TSHZ2: variants seen among roughly 807,000 people sequenced by gnomAD.
TSHZ2 encodes the protein teashirt zinc finger homeobox 2, also known as teashirt homolog 2.
TSHZ2 carries 21 observed loss-of-function variants against 74.4 expected under a neutral mutation model. The ratio of observed to expected loss-of-function variants is 0.28; its 90% CI spans 0.20 to 0.41. TSHZ2 has a LOEUF of 0.41. TSHZ2 is among the 10% of genes least tolerant of loss of function. The probability of loss-of-function intolerance (pLI) is 1.00; values close to 1 mark genes in which losing one functional copy is unlikely to be tolerated. For synonymous variants in TSHZ2, 540 were observed against 515.3 expected (o/e 1.05, Z -0.65); for missense variants, 1,244 against 1,293.5 (o/e 0.96, Z 0.59).
chr20:53,054,902 A>G (rs1430605570), intron 1 of TSHZ2, among the ~76,000 whole-genome samples: 2 of 152,138 alleles, frequency 1.3e-5, no homozygotes, highest in Non-Finnish European at 2.9e-5. Flanking sequence ...TGCTCATTTA[A>G]AGGAGGTGTT....
chr20:53,293,180 G>A (rs1991312599), intron 2 of TSHZ2, among the ~76,000 whole-genome samples: 2 of 152,142 alleles, frequency 1.3e-5, no homozygotes, highest in South Asian at 4.1e-4. Flanking sequence ...ATTAATACAT[G>A]AGCCAAGTGC....
chr20:53,374,302 T>C (rs1981583244), intron 2 of TSHZ2, among the ~76,000 whole-genome samples: 1 of 152,014 alleles, frequency 6.6e-6, no homozygotes, highest in Admixed American at 6.5e-5. Context: ...CCATCCATAT[T>C]GCTGCAAAAG....
At chr20:53,118,399 G>A (rs1986725433) in intron 1 of TSHZ2, among the ~76,000 whole-genome samples, 1 of 152,196 alleles carries the variant, frequency 6.6e-6, no homozygotes, top group African/African-American at 2.4e-5. Context: ...GTGATTTATA[G>A]AGGGAGAGGT....
chr20:53,375,515 C>T (rs1981628903), intron 2 of TSHZ2, among the ~76,000 whole-genome samples: 1 of 152,174 alleles, frequency 6.6e-6, no homozygotes, highest in Non-Finnish European at 1.5e-5. Flanking sequence ...ATAAATCTTT[C>T]CATAACCTCC....
chr20:53,291,859 C>A (rs554456302), intron 2 of TSHZ2, among the ~76,000 whole-genome samples: 6 of 152,196 alleles, frequency 3.9e-5, no homozygotes, highest in Admixed American at 3.3e-4. Flanking sequence ...CAAGGCAAAC[C>A]TTAATTTCTG....
rs775684942 is a variant in TSHZ2, at chr20:53,255,365, A to C, written c.1907A>C (p.Lys636Thr). The C allele has an allele frequency of 5.6e-6, 9 of 1,614,002 alleles. No homozygotes were observed. The highest frequency in any genetic ancestry group is 6.8e-6 in the Non-Finnish European group (8 of 1,180,024). ...CACAGTGAGGGCGATTCTTTCCGCA[A>C]AAGTGAAACACCTCCAGAAGCCAAA... is the stretch of plus-strand genomic sequence containing the variant. ...FSHSEGDSFRKSETPPEAKKT... is the reference protein window; with the variant it reads ...FSHSEGDSFRTSETPPEAKKT... Residue 636 changes from lysine to threonine, a missense_variant, in exon 2 of 3, where the codon AAA becomes ACA. Around this residue, in one of 6 missense-constraint regions of TSHZ2, gnomAD observed 562 missense variants for 544.0 expected, o/e 1.03. Transcript: ENST00000371497. The surrounding 1 kb of genome is among the most constrained non-coding windows in gnomAD (Gnocchi z 4.1).
chr20:53,441,812 C>T (rs934426586), intron 2 of TSHZ2, among the ~76,000 whole-genome samples: 1 of 151,646 alleles, frequency 6.6e-6, no homozygotes. Flanking sequence ...GAACTCCTGA[C>T]CTCAAATGAT....
chr20:52,980,632 A>C (rs922750518), intron 1 of TSHZ2, among the ~76,000 whole-genome samples: 2 of 152,214 alleles, frequency 1.3e-5, no homozygotes, highest in Non-Finnish European at 2.9e-5. Flanking sequence ...ATTGCTTTTA[A>C]TGAAAATAGT....
intron 2 of TSHZ2, among the ~76,000 whole-genome samples, chr20:53,391,588 T>G (rs558556120): frequency 6.6e-6 from 1 of 152,086 alleles, no homozygotes; most frequent in Non-Finnish European, 1.5e-5. Flanking sequence ...TGAGCCACCA[T>G]GTCCAGCCCA....
At chr20:53,261,893 T>G (rs1166146847) in intron 2 of TSHZ2, among the ~76,000 whole-genome samples, 2 of 152,240 alleles carry the variant, frequency 1.3e-5, no homozygotes, top group Non-Finnish European at 2.9e-5. Context: ...ATTAAAAACG[T>G]CTTTGCGAAA....
At chr20:53,434,025 T>C (rs918790759) in intron 2 of TSHZ2, among the ~76,000 whole-genome samples, 1 of 152,128 alleles carries the variant, frequency 6.6e-6, no homozygotes, top group African/African-American at 2.4e-5. Context: ...CATGCCACCA[T>C]GCTCAGCTAA....
At chr20:53,039,042 A>ATGCCC (rs1371541480) in intron 1 of TSHZ2, among the ~76,000 whole-genome samples, 1 of 151,974 alleles carries the variant, frequency 6.6e-6, no homozygotes, top group Non-Finnish European at 1.5e-5. Flanking sequence ...GATTACAGTC[A>ATGCCC]TGCCCGGCTA....
chr20:53,301,288 A>G (rs975811062), intron 2 of TSHZ2, among the ~76,000 whole-genome samples: 3 of 152,242 alleles, frequency 2.0e-5, no homozygotes, highest in African/African-American at 7.2e-5. Flanking sequence ...GGAAAAAGAA[A>G]TACATGTTAG....
At chr20:53,305,605 G>C (rs1978503102) in intron 2 of TSHZ2, among the ~76,000 whole-genome samples, 1 of 152,174 alleles carries the variant, frequency 6.6e-6, no homozygotes, top group Non-Finnish European at 1.5e-5. Context: ...TTGGCTACAA[G>C]GAGGTGCTTT....
intron 2 of TSHZ2, among the ~76,000 whole-genome samples, chr20:53,389,807 G>A (rs1394684566): frequency 6.6e-6 from 1 of 152,178 alleles, no homozygotes; most frequent in Non-Finnish European, 1.5e-5. Context: ...GTGAGTAGAG[G>A]CCAGGAAAGC....
At chr20:53,252,191 A>G (rs746086157) in intron 1 of TSHZ2, among the ~76,000 whole-genome samples, 3 of 152,176 alleles carry the variant, frequency 2.0e-5, no homozygotes, top group Non-Finnish European at 4.4e-5. Flanking sequence ...TAGCTGCTTT[A>G]TCCTAGCAAA....
chr20:53,140,539 C>CA (rs34045440), intron 1 of TSHZ2, among the ~76,000 whole-genome samples: 1,334 of 79,306 alleles, frequency 0.017, 22 homozygotes, highest in African/African-American at 0.032. Context: ...GACTCCGTCT[C>CA]AAAAAAAAAA....
chr20:53,053,633 T>C (rs2123141072), intron 1 of TSHZ2, among the ~76,000 whole-genome samples: 1 of 152,270 alleles, frequency 6.6e-6, no homozygotes, highest in South Asian at 2.1e-4. Context: ...AGACTTGTGC[T>C]CTTTAGGGAA....
At chr20:53,305,669 G>A (rs1978506380) in intron 2 of TSHZ2, among the ~76,000 whole-genome samples, 3 of 152,238 alleles carry the variant, frequency 2.0e-5, no homozygotes, top group South Asian at 2.1e-4. Context: ...TGGGCACCAC[G>A]GATGTACAAT....
Sources: allele counts gnomAD v4.1 joint callset (sites outside exome capture counted in the v4.1 genomes callset), GRCh38; gene constraint gnomAD v4.1.1; regional missense constraint gnomAD v4.1.1; non-coding constraint Gnocchi (gnomAD v3.1); transcripts MANE v1.5; gene names NCBI Gene and HGNC (gene_info 2026-07-23, HGNC 2026-07-21).